CREB5: variants seen among roughly 807,000 people sequenced by gnomAD.
CREB5 encodes cyclic AMP-responsive element-binding protein 5.
Under a neutral mutation model 57.1 loss-of-function variants are expected in CREB5, and 19 were observed. The observed-to-expected ratio is 0.33, with a 90% CI of 0.23 to 0.49. The LOEUF (loss-of-function observed/expected upper bound fraction) is 0.49, where lower values mean the gene tolerates loss of function less well. Among genes scored for constraint, CREB5 ranks in the 20% least tolerant of loss-of-function variants. The pLI is 0.99. For missense variants in CREB5, 579 were observed against 671.6 expected, an observed-to-expected ratio of 0.86 and a Z score of 1.52; for synonymous variants, 238 against 238.3, an observed-to-expected ratio of 1.00 and a Z score of 0.01.
intron 7 of CREB5, among the ~76,000 whole-genome samples, chr7:28,737,289 C>A (rs1462575320): frequency 6.6e-6 from 1 of 151,636 alleles, no homozygotes; most frequent in East Asian, 1.9e-4. Flanking sequence ...AAATTTTTTG[C>A]TGTTGTTGTT....
chr7:28,344,124 A>G (rs1313519788), intron 1 of CREB5, among the ~76,000 whole-genome samples: 2 of 151,880 alleles, frequency 1.3e-5, no homozygotes, highest in Non-Finnish European at 2.9e-5. Context: ...ATAGTTTGGA[A>G]ATATGTTCTC....
intron 4 of CREB5, among the ~76,000 whole-genome samples, chr7:28,566,762 A>T (rs904654429): frequency 1.3e-5 from 2 of 152,174 alleles, no homozygotes; most frequent in African/African-American, 4.8e-5. Flanking sequence ...TGGGTTTTGG[A>T]GAAGACTGGA....
intron 1 of CREB5, among the ~76,000 whole-genome samples, chr7:28,459,001 G>A (rs554290954): frequency 3.9e-5 from 6 of 152,160 alleles, no homozygotes; most frequent in Admixed American, 2.0e-4. Context: ...GGTCGATGTT[G>A]TGCAGATCTG....
chr7:28,304,046 A>C (rs1785144746), intron 1 of CREB5, among the ~76,000 whole-genome samples: 1 of 152,194 alleles, frequency 6.6e-6, no homozygotes, highest in South Asian at 2.1e-4. Flanking sequence ...TGTGGCTCAA[A>C]TGTATAAATT....
At chr7:28,404,038 G>T (rs6959788) in intron 1 of CREB5, among the ~76,000 whole-genome samples, 1 of 151,990 alleles carries the variant, frequency 6.6e-6, no homozygotes, top group African/African-American at 2.4e-5. Context: ...GTCATGGCCC[G>T]TACATACATA....
chr7:28,634,029 G>A (rs1413899592), intron 5 of CREB5, among the ~76,000 whole-genome samples: 1 of 152,154 alleles, frequency 6.6e-6, no homozygotes, highest in Non-Finnish European at 1.5e-5. Flanking sequence ...AAGATTCCCA[G>A]AATAAAAAGT....
At chr7:28,712,200 C>A (rs964596264) in intron 5 of CREB5, among the ~76,000 whole-genome samples, 1 of 152,104 alleles carries the variant, frequency 6.6e-6, no homozygotes, top group Non-Finnish European at 1.5e-5. Flanking sequence ...TTCTGTTTAA[C>A]CTTCTACTTG....
rs1212288447 is a variant in CREB5 at position 28,457,831 on chromosome 7, C to T, written c.4-30344C>T. On this transcript the variant is annotated intron_variant, in intron 1 of 10. Coordinates refer to ENST00000357727, the MANE Select transcript of CREB5 (RefSeq NM_182898.4). Reference sequence around the variant, plus strand: ...CCAGCCCTATTGAGAAAAGGTTTAACCTGGAGCCTATGGCGGTAGCTGGTC... The same window carrying T: ...CCAGCCCTATTGAGAAAAGGTTTAATCTGGAGCCTATGGCGGTAGCTGGTC... 2.6e-5 allele frequency among the ~76,000 whole-genome samples: 4 copies of T among 152,216 alleles called. No homozygotes were observed. The East Asian group carries it at 7.7e-4, about 29-fold the overall frequency.
chr7:28,793,962 G>A (rs1216775082), intron 7 of CREB5, among the ~76,000 whole-genome samples: 1 of 152,164 alleles, frequency 6.6e-6, no homozygotes, highest in Non-Finnish European at 1.5e-5. Flanking sequence ...CTCAGGAAAG[G>A]CCCTGTGATA....
intron 4 of CREB5, among the ~76,000 whole-genome samples, chr7:28,514,682 C>T (rs1369645242): frequency 6.6e-6 from 1 of 152,230 alleles, no homozygotes; most frequent in East Asian, 1.9e-4. Flanking sequence ...GCGTGAGCCA[C>T]CGCGCCTGGC....
rs1011352105 is a variant in CREB5, at chr7:28,821,896, A to T, written c.*2617A>T. 2.6e-5 allele frequency: 4 copies of T among 152,688 alleles called. No homozygotes were observed. Among genetic ancestry groups the T allele is most frequent in the African/African-American group, 4.8e-5 (2 of 41,474 alleles). The allele number at this position is 152,688 out of a possible 1,614,324, so 9.5% of individuals were successfully genotyped here. On this transcript the variant is annotated 3_prime_UTR_variant, in exon 11 of 11. Coordinates refer to ENST00000357727, the MANE Select transcript of CREB5 (RefSeq NM_182898.4). ...ATAGCACTTAATAAAATGGATTTTT[A>T]AAAAATCCACTAGTAATATCAGAAT...
At chr7:28,688,196 T>C (rs1562572595) in intron 5 of CREB5, among the ~76,000 whole-genome samples, 3 of 152,196 alleles carry the variant, frequency 2.0e-5, no homozygotes. Flanking sequence ...ACAAACATGG[T>C]AAACTTTTTA....
intron 1 of CREB5, among the ~76,000 whole-genome samples, chr7:28,446,205 A>T (rs1789458402): frequency 1.3e-5 from 2 of 149,154 alleles, no homozygotes. Flanking sequence ...GGGTCCCCCC[A>T]GCCGCCCCTC....
intron 9 of CREB5, among the ~76,000 whole-genome samples, chr7:28,811,672 A>G (rs1809128671): frequency 1.3e-5 from 2 of 152,212 alleles, no homozygotes; most frequent in Admixed American, 1.3e-4. Context: ...TGCCCAGCCA[A>G]GCATTTTTAA....
intron 1 of CREB5, among the ~76,000 whole-genome samples, chr7:28,470,795 T>C (rs1046450641): frequency 3.3e-5 from 5 of 152,210 alleles, no homozygotes; most frequent in Non-Finnish European, 7.3e-5. Context: ...TAGTATCTCA[T>C]TGTAGTTTTG....
At chr7:28,606,862 G>A (rs1267679179) in intron 5 of CREB5, among the ~76,000 whole-genome samples, 2 of 152,078 alleles carry the variant, frequency 1.3e-5, no homozygotes, top group Non-Finnish European at 2.9e-5. Flanking sequence ...ATATTCATAG[G>A]GTACATAGTG....
chr7:28,742,262 C>A (rs1804402215), intron 7 of CREB5, among the ~76,000 whole-genome samples: 1 of 151,850 alleles, frequency 6.6e-6, no homozygotes, highest in Non-Finnish European at 1.5e-5. Context: ...GTGCTTACTT[C>A]ATATTAGAAA....
chr7:28,810,815 T>C (rs534665569), intron 9 of CREB5, among the ~76,000 whole-genome samples: 5 of 152,298 alleles, frequency 3.3e-5, no homozygotes, highest in African/African-American at 1.2e-4. Flanking sequence ...CCCAAAGCCT[T>C]TGCATATCCA....
chr7:28,377,081 G>A (rs996484663), intron 1 of CREB5, among the ~76,000 whole-genome samples: 41 of 152,246 alleles, frequency 2.7e-4, no homozygotes, highest in African/African-American at 8.4e-4. Flanking sequence ...GAACATATCC[G>A]ATGACAGGCA....
Sources: allele counts gnomAD v4.1 joint callset (sites outside exome capture counted in the v4.1 genomes callset), GRCh38; gene constraint gnomAD v4.1.1; transcripts MANE v1.5; gene names NCBI Gene and HGNC (gene_info 2026-07-23, HGNC 2026-07-21).